Variants in DGKB observed in about 807,000 individuals in gnomAD.
DGKB encodes the protein 90 kDa diacylglycerol kinase.
DGKB carries 67 observed loss-of-function variants against 114.3 expected under a neutral mutation model. The ratio of observed to expected loss-of-function variants is 0.59; its 90% confidence interval spans 0.48 to 0.72. The LOEUF is 0.72. DGKB is among the 30% of genes least tolerant of loss of function. DGKB has a pLI of 0.00. For synonymous variants in DGKB, 398 were observed against 323.1 expected, an observed-to-expected ratio of 1.23 and a Z score of -2.49; for missense variants, 907 against 975.2, an observed-to-expected ratio of 0.93 and a Z score of 0.93.
intron 21 of DGKB, among the ~76,000 whole-genome samples, chr7:14,372,018 TC>T (rs1307955242): frequency 1.3e-5 from 2 of 152,154 alleles, no homozygotes; most frequent in African/African-American, 4.8e-5. Flanking sequence ...CTGCTCTTGG[TC>T]CCAAGTCTGG....
intron 20 of DGKB, among the ~76,000 whole-genome samples, chr7:14,481,408 T>C (rs1298452781): frequency 6.6e-6 from 1 of 151,960 alleles, no homozygotes; most frequent in Non-Finnish European, 1.5e-5. Context: ...CAAATTCTGC[T>C]GAGGAGAATA....
intron 6 of DGKB, among the ~76,000 whole-genome samples, chr7:14,702,239 T>C (rs1024783977): frequency 2.6e-5 from 4 of 152,118 alleles, no homozygotes; most frequent in African/African-American, 9.7e-5. Flanking sequence ...AGGGAGGTGA[T>C]AGACACAAAA....
At chr7:14,682,349 C>A (rs1820982969) in intron 12 of DGKB, among the ~76,000 whole-genome samples, 1 of 152,060 alleles carries the variant, frequency 6.6e-6, no homozygotes. Context: ...TAGATTGTCA[C>A]CAGCTCTAAA....
chr7:14,927,780 A>G (rs1784821055), intron 1 of DGKB, among the ~76,000 whole-genome samples: 1 of 152,114 alleles, frequency 6.6e-6, no homozygotes, highest in South Asian at 2.1e-4. Flanking sequence ...ATTTCAAAAC[A>G]TGATAACAAG....
chr7:14,953,287 A>G (rs1272742780), intron 1 of DGKB, among the ~76,000 whole-genome samples: 1 of 152,136 alleles, frequency 6.6e-6, no homozygotes, highest in East Asian at 1.9e-4. Context: ...GAATGGATAA[A>G]GTATTTGTAA....
At chr7:14,621,570 T>C in intron 14 of DGKB, 76 bp from the exon 15 acceptor site, 1 of 862,398 alleles carries the variant, frequency 1.2e-6, no homozygotes, top group Non-Finnish European at 1.8e-6. Flanking sequence ...TTTTTACTAA[T>C]AGAAGAGTTT....
chr7:14,339,633 A>G (rs1468857303), intron 22 of DGKB, among the ~76,000 whole-genome samples: 3 of 152,020 alleles, frequency 2.0e-5, no homozygotes, highest in Non-Finnish European at 4.4e-5. Context: ...ACTATTCTGT[A>G]TTTTTAAAAT....
chr7:14,825,046 A>G (rs1034005756), intron 2 of DGKB, among the ~76,000 whole-genome samples: 2 of 142,898 alleles, frequency 1.4e-5, no homozygotes, highest in Non-Finnish European at 3.0e-5. Context: ...ATATATATAT[A>G]TATATATATA....
intron 17 of DGKB, among the ~76,000 whole-genome samples, chr7:14,606,546 C>T (rs950486624): frequency 6.6e-6 from 1 of 151,496 alleles, no homozygotes; most frequent in African/African-American, 2.4e-5. Context: ...TACTTGGTTT[C>T]TGGTTCCTGA....
intron 21 of DGKB, among the ~76,000 whole-genome samples, chr7:14,433,391 T>TAATA: frequency 6.6e-6 from 1 of 152,128 alleles, no homozygotes; most frequent in East Asian, 1.9e-4. Flanking sequence ...TGACCAGAAA[T>TAATA]AATAGGCTTT....
At chr7:14,178,201 A>G (rs772969762) in intron 23 of DGKB, 50 bp from the exon 24 acceptor site, 6 of 1,584,004 alleles carry the variant, frequency 3.8e-6, no homozygotes, top group African/African-American at 1.4e-5. Flanking sequence ...ACATATGTCC[A>G]CAATTTAATG....
intron 20 of DGKB, among the ~76,000 whole-genome samples, chr7:14,564,279 G>T (rs1292729416): frequency 2.0e-5 from 3 of 152,130 alleles, no homozygotes; most frequent in Admixed American, 6.6e-5. Flanking sequence ...TGGAAAAGTG[G>T]AAGTGCTGGA....
At chr7:14,332,276 T>G (rs1809860425) in intron 23 of DGKB, among the ~76,000 whole-genome samples, 1 of 152,300 alleles carries the variant, frequency 6.6e-6, no homozygotes, top group South Asian at 2.1e-4. Context: ...GAGATTAAAG[T>G]ACAAGGACAT....
At chr7:14,663,606 T>C (rs1817525400) in intron 13 of DGKB, among the ~76,000 whole-genome samples, 1 of 122,360 alleles carries the variant, frequency 8.2e-6, no homozygotes, top group African/African-American at 2.9e-5. Context: ...TTCTTTCTTT[T>C]CTTTTCCCTT....
rs1398706960 is a variant in DGKB, at chr7:14,322,700, T to C, written c.2122+15815A>G. Reference sequence around the variant, plus strand: ...AGTGAAAGAATATATTTGCAACCCATAGAGAACAAAAGATTCTAGTTCCTT... The same window carrying C: ...AGTGAAAGAATATATTTGCAACCCACAGAGAACAAAAGATTCTAGTTCCTT... On this transcript the variant is annotated intron_variant, in intron 23 of 25. Transcript: ENST00000402815. 4.6e-5 allele frequency among the ~76,000 whole-genome samples: 7 copies of C among 152,142 alleles called. No homozygotes were observed. The East Asian group carries it at 5.8e-4, about 13-fold the overall frequency.
chr7:14,910,301 A>C, intron 1 of DGKB, among the ~76,000 whole-genome samples: 1 of 138,654 alleles, frequency 7.2e-6, no homozygotes, highest in Admixed American at 7.2e-5. Flanking sequence ...AAAGAAAGAA[A>C]GAAAGAAAGA....
intron 20 of DGKB, among the ~76,000 whole-genome samples, chr7:14,487,996 A>G (rs981991785): frequency 6.6e-6 from 1 of 152,180 alleles, no homozygotes; most frequent in South Asian, 2.1e-4. Flanking sequence ...TGAACATTGT[A>G]ATGGAATATG....
intron 21 of DGKB, among the ~76,000 whole-genome samples, chr7:14,382,413 CTAA>C (rs1442894530): frequency 3.1e-4 from 47 of 150,152 alleles, no homozygotes; most frequent in Admixed American, 2.7e-4. Context: ...TTATCTATTG[CTAA>C]TAATCTTTTC....
chr7:14,830,580 T>A (rs1374111624), intron 2 of DGKB, among the ~76,000 whole-genome samples: 1 of 152,078 alleles, frequency 6.6e-6, no homozygotes. Context: ...TGGGGTATGT[T>A]TCAAGAGACA....
Sources: gnomAD v4.1 joint callset for allele counts (sites outside exome capture counted in the v4.1 genomes callset) on GRCh38, gnomAD v4.1.1 for gene constraint, MANE v1.5 for transcripts, NCBI Gene and HGNC (gene_info 2026-07-23, HGNC 2026-07-21) for gene names.